ARHGAP8: variants seen among roughly 807,000 people sequenced by gnomAD.
The protein encoded by ARHGAP8 is rho GTPase-activating protein 8.
ARHGAP8 carries 62 observed loss-of-function variants against 46.1 expected under a neutral mutation model. That is an observed-to-expected ratio of 1.34 (90% confidence interval 1.10 to 1.66). The LOEUF (loss-of-function observed/expected upper bound fraction) is 1.66, where lower values mean the gene tolerates loss of function less well. Ranked by LOEUF, ARHGAP8 falls within the 40% of genes most tolerant of loss-of-function variation. The pLI, the probability that ARHGAP8 is intolerant of heterozygous loss-of-function variation, is 0.00. For synonymous variants in ARHGAP8, 375 were observed against 243.1 expected (o/e 1.54, Z -5.05); for missense variants, 923 against 568.4 (o/e 1.62, Z -6.34).
intron 10 of ARHGAP8, among the ~76,000 whole-genome samples, chr22:44,858,579 C>A (rs1316817910): frequency 8.1e-6 from 1 of 124,190 alleles, no homozygotes; most frequent in African/African-American, 3.1e-5. Flanking sequence ...CATGTTGGGT[C>A]AGGCTGGTCT....
At position 44,822,422 on chromosome 22, in the gene ARHGAP8, C is replaced by G. The variant is rs142047597; in HGVS notation, c.438C>G (p.His146Gln). 5.6e-4 allele frequency: 881 copies of G among 1,578,286 alleles called. No individual in the cohort carries two copies. The highest frequency in any genetic ancestry group is 7.0e-4 in the Non-Finnish European group (814 of 1,168,592). ...ATTTCAACTACCTGAGTGAGCTCCA[C>G]GAACACCTTAAATACGACCAGCTGG... Reference protein sequence around the residue: ...VIYFNYLSELHEHLKYDQLVI... With the variant: ...VIYFNYLSELQEHLKYDQLVI... The change falls in exon 6 of 12, where the codon CAC becomes CAG. Residue 146 changes from histidine (H) to glutamine (Q), a missense_variant. By Grantham distance (24) the His-to-Gln change is conservative. Transcript: ENST00000356099.
In ARHGAP8 at chr22:44,786,455, A is replaced by G. The variant is rs772663679; in HGVS notation, c.-71-2A>G. On this transcript the variant is annotated splice_acceptor_variant, in intron 1 of 11. Transcript: ENST00000356099. LOFTEE classifies it low-confidence loss of function (5UTR_SPLICE). ...GACTTCCTTTAATCTTCTTTGCCGC[A>G]GAGCTGCAGAGAGACAAGGCGGCGG... The G allele has an allele frequency of 3.4e-5, 54 of 1,595,082 alleles. No individual in the cohort carries two copies. The highest frequency in any genetic ancestry group is 4.5e-5 in the Non-Finnish European group (53 of 1,171,384).
intron 5 of ARHGAP8, among the ~76,000 whole-genome samples, chr22:44,820,242 G>A (rs1930033313): frequency 6.6e-6 from 1 of 152,184 alleles, no homozygotes; most frequent in Non-Finnish European, 1.5e-5. Context: ...GCAGGGCCCT[G>A]GCTGCACCTG....
intron 1 of ARHGAP8, among the ~76,000 whole-genome samples, chr22:44,757,794 A>G (rs1231815527): frequency 2.2e-5 from 3 of 139,360 alleles, no homozygotes; most frequent in Non-Finnish European, 4.5e-5. Context: ...ACCTGTCACC[A>G]TGCCTGGCTA....
At chr22:44,799,231 C>T (rs1012965556) in intron 2 of ARHGAP8, among the ~76,000 whole-genome samples, 4 of 152,216 alleles carry the variant, frequency 2.6e-5, no homozygotes, top group Non-Finnish European at 5.9e-5. Flanking sequence ...AGCCCAGGGG[C>T]CTTCAAAGCC....
intron 6 of ARHGAP8, 83 bp downstream of exon 6, chr22:44,822,552 A>G (rs1930232745): frequency 8.0e-7 from 1 of 1,254,550 alleles, no homozygotes; most frequent in South Asian, 1.8e-5. Flanking sequence ...TGAATGTTTA[A>G]GGCTTGATTT....
intron 2 of ARHGAP8, among the ~76,000 whole-genome samples, chr22:44,794,339 C>T (rs991194050): frequency 1.3e-5 from 2 of 152,192 alleles, no homozygotes; most frequent in African/African-American, 4.8e-5. Context: ...CCAGCTCAGC[C>T]AGGGATTGGG....
chr22:44,797,783 T>C (rs1010143221), intron 2 of ARHGAP8, among the ~76,000 whole-genome samples: 3 of 152,020 alleles, frequency 2.0e-5, no homozygotes, highest in Non-Finnish European at 4.4e-5. Flanking sequence ...CCAGTGTGCA[T>C]GTGAGTACGT....
chr22:44,840,778 T>C (rs561752452), intron 7 of ARHGAP8, among the ~76,000 whole-genome samples: 8 of 152,240 alleles, frequency 5.3e-5, no homozygotes, highest in Non-Finnish European at 1.0e-4. Context: ...GATGAGGACC[T>C]GCTTCCTGGT....
intron 11 of ARHGAP8, among the ~76,000 whole-genome samples, 193 bp downstream of exon 11, chr22:44,860,027 CCTGTCAGACAGGGCGTACCTG>C (rs2070392585): frequency 6.6e-6 from 1 of 152,052 alleles, no homozygotes; most frequent in African/African-American, 2.4e-5. Flanking sequence ...GGACCTCCTG[CCTGTCAGACAGGGCGTACCTG>C]CCCCTGCCTG....
chr22:44,789,540 G>A (rs1927511424), intron 2 of ARHGAP8, among the ~76,000 whole-genome samples: 1 of 152,030 alleles, frequency 6.6e-6, no homozygotes, highest in Non-Finnish European at 1.5e-5. Context: ...TCACTTTGTT[G>A]CCCAGGCTGT....
chr22:44,860,517 AGATGACGCGGGAT>A (rs757952854), intron 11 of ARHGAP8, among the ~76,000 whole-genome samples: 32 of 143,032 alleles, frequency 2.2e-4, no homozygotes, highest in Non-Finnish European at 3.8e-4. Flanking sequence ...GGACCCACCC[AGATGACGCGGGAT>A]GATCTCATCT....
intron 2 of ARHGAP8, among the ~76,000 whole-genome samples, chr22:44,798,859 G>A (rs1002501642): frequency 5.3e-5 from 8 of 152,084 alleles, no homozygotes; most frequent in Non-Finnish European, 1.0e-4. Context: ...TCCGCTTCCC[G>A]GGTTCAAGCA....
At chr22:44,847,728 TAGGC>T (rs1215741991) in intron 8 of ARHGAP8, among the ~76,000 whole-genome samples, 2 of 152,204 alleles carry the variant, frequency 1.3e-5, no homozygotes, top group East Asian at 3.9e-4. Flanking sequence ...ACACAGCTGG[TAGGC>T]AGAGCTGGAC....
At chr22:44,841,074 C>T (rs1369780129) in intron 7 of ARHGAP8, among the ~76,000 whole-genome samples, 1 of 152,156 alleles carries the variant, frequency 6.6e-6, no homozygotes, top group African/African-American at 2.4e-5. Flanking sequence ...TTATTGGCCC[C>T]ATAGAGAGCA....
In ARHGAP8 at chr22:44,825,683, G is replaced by A. The variant is rs369900022; in HGVS notation, c.596+90G>A. On this transcript the variant is annotated intron_variant, in intron 7 of 11. Coordinates refer to ENST00000356099, the MANE Select transcript of ARHGAP8 (RefSeq NM_181335.3). ...GGGTCCAGAAATATTTTCCCCAGAC[G>A]TTTGTCTCCAGCAGCCAAGCTGAAC... The A allele has an allele frequency of 2.1e-4, 301 of 1,430,928 alleles. No homozygotes were observed. In the African/African-American group the frequency reaches 2.7e-3, roughly 13 times the overall value. The allele number at this position is 1,430,928 out of a possible 1,614,324, so 88.6% of individuals were successfully genotyped here. A position where few individuals can be genotyped will look rare whatever the true frequency, so the allele number is the denominator to read the frequency against.
chr22:44,800,698 C>T (rs538364206), intron 2 of ARHGAP8, among the ~76,000 whole-genome samples: 4 of 25,938 alleles, frequency 1.5e-4, no homozygotes, highest in African/African-American at 4.5e-4. Flanking sequence ...GGGGGGCGCC[C>T]CTCCCCGCAG....
chr22:44,768,062 C>T (rs76632413), intron 1 of ARHGAP8, among the ~76,000 whole-genome samples: 2 of 118,494 alleles, frequency 1.7e-5, no homozygotes, highest in African/African-American at 6.5e-5. Flanking sequence ...TGCAGTGGCA[C>T]GATCTCGGCT....
chr22:44,859,681 G>C (rs369866857), intron 10 of ARHGAP8, 50 bp from the exon 11 acceptor site: 19 of 1,596,682 alleles, frequency 1.2e-5, no homozygotes, highest in East Asian at 8.9e-5. Context: ...GGGATGCAGC[G>C]CTGCCCCTGG....
Sources: allele counts gnomAD v4.1 joint callset (sites outside exome capture counted in the v4.1 genomes callset), GRCh38; gene constraint gnomAD v4.1.1; transcripts MANE v1.5; gene names NCBI Gene and HGNC (gene_info 2026-07-23, HGNC 2026-07-21).